The following BMPR2 variants were observed in gnomAD, a reference collection of about 807,000 sequenced individuals.
BMPR2 encodes bone morphogenetic protein receptor type-2.
BMPR2 carries 29 observed loss-of-function variants against 100.8 expected under a neutral mutation model. The ratio of observed to expected loss-of-function variants is 0.29; its 90% CI spans 0.21 to 0.39. The LOEUF (loss-of-function observed/expected upper bound fraction) is 0.39, where lower values mean the gene tolerates loss of function less well. Among genes scored for constraint, BMPR2 ranks in the 10% least tolerant of loss-of-function variants. BMPR2 has a pLI of 1.00. For missense variants in BMPR2, 1,011 were observed against 1,274.5 expected (o/e 0.79, Z 3.15); for synonymous variants, 382 against 442.3 (o/e 0.86, Z 1.71).
intron 3 of BMPR2, among the ~76,000 whole-genome samples, chr2:202,481,781 G>C (rs1378629349): frequency 3.3e-5 from 5 of 152,040 alleles, no homozygotes; most frequent in African/African-American, 1.2e-4. Context: ...TCTTAGTCAA[G>C]ACAGCTGCAT....
At position 202,565,599 on chromosome 2, in the gene BMPR2, A is replaced by AT. The variant is rs1229610763; in HGVS notation, c.*5659dup. 6.6e-6 allele frequency: 1 copy of AT among 152,582 alleles called. No homozygotes were observed. The highest frequency in any genetic ancestry group is 1.5e-5 in the Non-Finnish European group (1 of 68,014). The allele number at this position is 152,582 out of a possible 1,614,324, so 9.5% of individuals were successfully genotyped here. ...AATTGTATATCATTTTGCCATTAAA[A>AT]TTTTTTAACATATTGCAGCAAGCTT... On this transcript the variant is annotated 3_prime_UTR_variant, in exon 13 of 13. Transcript: ENST00000374580.
intron 3 of BMPR2, among the ~76,000 whole-genome samples, chr2:202,476,865 G>C (rs1188010687): frequency 6.7e-6 from 1 of 148,298 alleles, no homozygotes; most frequent in African/African-American, 2.5e-5. Context: ...TCAATATACT[G>C]TTTTGAGCAC....
intron 10 of BMPR2, among the ~76,000 whole-genome samples, chr2:202,551,980 A>G (rs1688488123): frequency 6.6e-6 from 1 of 151,080 alleles, no homozygotes; most frequent in Non-Finnish European, 1.5e-5. Flanking sequence ...TCAGCCTCCT[A>G]AGTAGCTGGG....
intron 1 of BMPR2, among the ~76,000 whole-genome samples, chr2:202,427,906 G>GC (rs1481851306): frequency 6.6e-6 from 1 of 152,268 alleles, no homozygotes; most frequent in East Asian, 1.9e-4. Flanking sequence ...TTGAGCCTGG[G>GC]AGGTGGTAGT....
At chr2:202,537,274 T>A (rs1444669565) in intron 9 of BMPR2, among the ~76,000 whole-genome samples, 1 of 152,210 alleles carries the variant, frequency 6.6e-6, no homozygotes, top group Non-Finnish European at 1.5e-5. Flanking sequence ...GATTTTTGTT[T>A]TAGAAGCATG....
In BMPR2 at chr2:202,427,248, T is replaced by C. The variant is rs190447677; in HGVS notation, c.77-37561T>C. On this transcript the variant is annotated intron_variant, in intron 1 of 12. Coordinates refer to ENST00000374580, the MANE Select transcript of BMPR2 (RefSeq NM_001204.7). The stretch of plus-strand genomic sequence containing the variant: ...TGATGTGTGCCTGGTACTTCCCAGC[T>C]ACTCAGGAAGCTGAGGTGAGAGGAT... Among the ~76,000 whole-genome samples the C allele has an allele frequency of 3.3e-5, 5 of 150,958 alleles. No homozygotes were observed. In the East Asian group the frequency reaches 9.9e-4, roughly 30 times the overall value.
At chr2:202,426,394 A>G (rs1189789622) in intron 1 of BMPR2, among the ~76,000 whole-genome samples, 1 of 151,972 alleles carries the variant, frequency 6.6e-6, no homozygotes, top group East Asian at 1.9e-4. Context: ...CAGCCTGGCC[A>G]ACATGGTGAA....
In BMPR2 at chr2:202,495,530, T is replaced by A. The variant is rs1455796411; in HGVS notation, c.419-18189T>A. Among the ~76,000 whole-genome samples the A allele has an allele frequency of 2.0e-5, 3 of 152,172 alleles. No homozygotes were observed. In the East Asian group the frequency reaches 5.8e-4, roughly 29 times the overall value. ...GTGTCTGCCTGCTAGGGTCTCGGGT[T>A]TTTATAGGCCCAGGATGGGGACATG... On this transcript the variant is annotated intron_variant, in intron 3 of 12. Transcript: ENST00000374580. The surrounding 1 kb of genome is among the most constrained non-coding windows in gnomAD (Gnocchi z 4.5).
At chr2:202,459,978 A>G (rs1258895377) in intron 1 of BMPR2, among the ~76,000 whole-genome samples, 1 of 152,210 alleles carries the variant, frequency 6.6e-6, no homozygotes, top group East Asian at 1.9e-4. Context: ...AAAAGAAGAC[A>G]TGCATATGGC....
intron 1 of BMPR2, among the ~76,000 whole-genome samples, chr2:202,388,570 G>A (rs953911383): frequency 3.3e-5 from 5 of 151,956 alleles, no homozygotes; most frequent in South Asian, 2.1e-4. Flanking sequence ...AGATCACGAG[G>A]TCAGGATATC....
chr2:202,545,345 G>A (rs566567060), intron 10 of BMPR2, among the ~76,000 whole-genome samples: 3 of 147,546 alleles, frequency 2.0e-5, no homozygotes, highest in Non-Finnish European at 3.0e-5. Context: ...TAGCTTCCAC[G>A]ATCATAATTA....
intron 1 of BMPR2, among the ~76,000 whole-genome samples, chr2:202,438,671 T>C (rs1440988911): frequency 6.6e-6 from 1 of 150,700 alleles, no homozygotes; most frequent in Non-Finnish European, 1.5e-5. Flanking sequence ...CTTTATTCTT[T>C]TATACATGGA....
At chr2:202,424,128 C>G (rs908855394) in intron 1 of BMPR2, among the ~76,000 whole-genome samples, 1 of 148,954 alleles carries the variant, frequency 6.7e-6, no homozygotes, top group African/African-American at 2.5e-5. Flanking sequence ...GATCCCAGCA[C>G]TTTGAGAGGC....
intron 1 of BMPR2, among the ~76,000 whole-genome samples, chr2:202,437,452 A>G (rs1448694988): frequency 2.0e-5 from 3 of 150,642 alleles, no homozygotes; most frequent in Non-Finnish European, 4.4e-5. Context: ...TTTTTATAAC[A>G]GCTTTATTGG....
intron 1 of BMPR2, among the ~76,000 whole-genome samples, chr2:202,438,228 GCT>G (rs1691655848): frequency 6.6e-6 from 1 of 150,426 alleles, no homozygotes; most frequent in Non-Finnish European, 1.5e-5. Flanking sequence ...CAGGAGAATC[GCT>G]TGAACCCGGG....
intron 1 of BMPR2, among the ~76,000 whole-genome samples, chr2:202,433,266 T>A (rs1691542375): frequency 6.7e-6 from 1 of 150,318 alleles, no homozygotes; most frequent in Admixed American, 6.6e-5. Flanking sequence ...GGTAGGTAGG[T>A]AGGTAGGTAG....
chr2:202,479,826 A>G (rs1692625633), intron 3 of BMPR2, among the ~76,000 whole-genome samples: 1 of 152,184 alleles, frequency 6.6e-6, no homozygotes, highest in South Asian at 2.1e-4. Flanking sequence ...ATATCTCATT[A>G]TGGTTTTGGT....
chr2:202,435,513 G>C (rs938676718), intron 1 of BMPR2, among the ~76,000 whole-genome samples: 2 of 148,520 alleles, frequency 1.3e-5, no homozygotes, highest in Non-Finnish European at 2.9e-5. Context: ...AGTTTATGAA[G>C]TAAAGTTAGA....
rs1687771770 is a variant in BMPR2 at position 202,518,973 on chromosome 2, C to T, written c.773C>T (p.Ala258Val). The T allele has an allele frequency of 6.2e-7, 1 of 1,614,130 alleles. No individual in the cohort carries two copies. Among genetic ancestry groups the T allele is most frequent in the Non-Finnish European group, 8.5e-7 (1 of 1,180,032 alleles). ...CCTTTGATGGAACATGACAACATTG[C>T]CCGCTTTATAGTTGGAGATGAGAGA... ...RVPLMEHDNI[A>V]RFIVGDERVT... is the part of the protein sequence containing the mutation. Residue 258 changes from alanine to valine, a missense_variant, in exon 6 of 13, where the codon GCC (alanine) becomes GTC (valine). Ala to Val is a moderately conservative substitution (Grantham distance 64). Around this residue, in one of 6 missense-constraint regions of BMPR2, gnomAD observed 355 missense variants for 455.3 expected, o/e 0.78. Coordinates refer to ENST00000374580, the MANE Select transcript of BMPR2 (RefSeq NM_001204.7).
Sources: allele counts gnomAD v4.1 joint callset (sites outside exome capture counted in the v4.1 genomes callset), GRCh38; gene constraint gnomAD v4.1.1; regional missense constraint gnomAD v4.1.1; non-coding constraint Gnocchi (gnomAD v3.1); transcripts MANE v1.5; gene names NCBI Gene and HGNC (gene_info 2026-07-23, HGNC 2026-07-21).